TMCO4: variants seen among roughly 807,000 people sequenced by gnomAD.
The protein encoded by TMCO4 is transmembrane and coiled-coil domain-containing protein 4.
Under a neutral mutation model 64.7 loss-of-function variants are expected in TMCO4, and 58 were observed. That is an observed-to-expected ratio of 0.90 (90% CI 0.73 to 1.12). The LOEUF (loss-of-function observed/expected upper bound fraction) is 1.12. Among genes scored for constraint, TMCO4 ranks in the 50% most tolerant of loss-of-function variants. The pLI is 0.00. For missense variants in TMCO4, 780 were observed against 825.9 expected (o/e 0.94, Z 0.68); for synonymous variants, 325 against 346.1 (o/e 0.94, Z 0.68).
chr1:19,718,054 C>A (rs1411309862), intron 13 of TMCO4, among the ~76,000 whole-genome samples: 1 of 152,120 alleles, frequency 6.6e-6, no homozygotes, highest in African/African-American at 2.4e-5. Flanking sequence ...GAAAATGGGC[C>A]AGGCGCAGTG....
intron 3 of TMCO4, among the ~76,000 whole-genome samples, chr1:19,785,048 G>A (rs1488396296): frequency 6.6e-6 from 1 of 152,102 alleles, no homozygotes; most frequent in Non-Finnish European, 1.5e-5. Flanking sequence ...CACCGGTCTT[G>A]TTCACTACGC....
chr1:19,710,487 A>G (rs1298748718), intron 13 of TMCO4, among the ~76,000 whole-genome samples: 1 of 152,158 alleles, frequency 6.6e-6, no homozygotes, highest in African/African-American at 2.4e-5. Context: ...CTCAGGACTA[A>G]GTGCTTCATA....
rs2095435822 is a variant in TMCO4 at position 19,732,814 on chromosome 1, T to C, written c.1264+4558A>G. On this transcript the variant is annotated intron_variant, in intron 13 of 15. Transcript: ENST00000294543. The surrounding 1 kb of genome is among the most constrained non-coding windows in gnomAD (Gnocchi z 4.8). ...AGGGGGAAAATGCCAGCTGCACTTT[T>C]GTCCACCGGGTTCATCTTGGAGTCA... Among the ~76,000 whole-genome samples the C allele has an allele frequency of 6.6e-6, 1 of 152,212 alleles. No homozygotes were observed. Among genetic ancestry groups the C allele is most frequent in the African/African-American group, 2.4e-5 (1 of 41,460 alleles).
At chr1:19,685,093 G>A (rs2095135779) in intron 15 of TMCO4, among the ~76,000 whole-genome samples, 1 of 152,214 alleles carries the variant, frequency 6.6e-6, no homozygotes, top group Admixed American at 6.5e-5. Context: ...GGGAGGCCAA[G>A]GTGGGAAAAT....
intron 15 of TMCO4, among the ~76,000 whole-genome samples, chr1:19,689,444 A>C (rs2095174958): frequency 2.0e-5 from 3 of 152,162 alleles, no homozygotes; most frequent in Admixed American, 6.5e-5. Flanking sequence ...ACTAGGATTA[A>C]AGGAGGGCCT....
rs2041793889 is a variant in TMCO4, at chr1:19,746,580, A to C, written c.633T>G (p.Ala211=). 2 of 1,610,698 alleles carry C rather than the reference A, an allele frequency of 1.2e-6. No homozygotes were observed. Among genetic ancestry groups the C allele is most frequent in the Non-Finnish European group, 1.7e-6 (2 of 1,178,250 alleles). ...GTVIGVTGGL[A]APLVAAGAAT... ...CTGCTCCAGCGGCAACAAGGGGTGCAGCTAGACCTCCAGTCACACCTGTGG... is the reference window on the plus strand; with the variant it reads ...CTGCTCCAGCGGCAACAAGGGGTGCCGCTAGACCTCCAGTCACACCTGTGG... The change falls in exon 9 of 16, where the codon GCT becomes GCG. Residue 211 remains alanine (A), a synonymous_variant. Coordinates refer to ENST00000294543, the MANE Select transcript of TMCO4 (RefSeq NM_181719.7).
intron 13 of TMCO4, among the ~76,000 whole-genome samples, chr1:19,709,019 C>T (rs1314995566): frequency 6.6e-6 from 1 of 152,098 alleles, no homozygotes; most frequent in Non-Finnish European, 1.5e-5. Context: ...CAAAGATACA[C>T]ACGTGCACAT....
At chr1:19,774,138 G>A (rs974649396) in intron 4 of TMCO4, among the ~76,000 whole-genome samples, 1 of 152,240 alleles carries the variant, frequency 6.6e-6, no homozygotes, top group African/African-American at 2.4e-5. Context: ...GGATTACCTT[G>A]GGGTGGTAAT....
chr1:19,731,267 T>G (rs1413302485), intron 13 of TMCO4, among the ~76,000 whole-genome samples: 1 of 152,150 alleles, frequency 6.6e-6, no homozygotes, highest in Non-Finnish European at 1.5e-5. Flanking sequence ...GTCCATGCCA[T>G]CCATCAGGGA....
intron 1 of TMCO4, among the ~76,000 whole-genome samples, chr1:19,798,637 CGAGGG>C (rs1341699488): frequency 2.6e-5 from 4 of 152,146 alleles, no homozygotes; most frequent in Non-Finnish European, 5.9e-5. Context: ...ATGCTGCACA[CGAGGG>C]CTTGAGGCCA....
intron 11 of TMCO4, among the ~76,000 whole-genome samples, 181 bp downstream of exon 11, chr1:19,740,596 C>T (rs769562490): frequency 1.3e-5 from 2 of 152,232 alleles, no homozygotes; most frequent in Non-Finnish European, 2.9e-5. Context: ...GTTTACCTGT[C>T]TTCTCTCCAT....
At chr1:19,751,550 C>A (rs1270950841) in intron 7 of TMCO4, among the ~76,000 whole-genome samples, 1 of 152,162 alleles carries the variant, frequency 6.6e-6, no homozygotes, top group Admixed American at 6.5e-5. Context: ...TGAGCCTCTG[C>A]TGCAGTGATC....
chr1:19,736,485 T>C lies in TMCO4; in HGVS notation c.1264+887A>G, dbSNP rs575692186. On this transcript the variant is annotated intron_variant, in intron 13 of 15. Coordinates refer to ENST00000294543, the MANE Select transcript of TMCO4 (RefSeq NM_181719.7). ...GTTCAACAATTTCTCTCTGAGTTCC[T>C]CCTCTTGCCTTCAGAGTCCTGCCGC... 1.8e-3 allele frequency among the ~76,000 whole-genome samples: 270 copies of C among 152,322 alleles called. 2 individuals are homozygous for C. The highest frequency in any genetic ancestry group is 3.4e-3 in the Middle Eastern group (1 of 294).
chr1:19,692,585 A>G (rs1050756147), intron 15 of TMCO4, among the ~76,000 whole-genome samples: 3 of 151,684 alleles, frequency 2.0e-5, no homozygotes, highest in African/African-American at 4.8e-5. Context: ...CAAAAAAAAA[A>G]AAAAAAAAAG....
intron 13 of TMCO4, among the ~76,000 whole-genome samples, chr1:19,725,398 A>T (rs1243035891): frequency 6.6e-6 from 1 of 152,232 alleles, no homozygotes; most frequent in Non-Finnish European, 1.5e-5. Context: ...TCCTATGGCC[A>T]TTTCTCAGCT....
At chr1:19,754,602 G>C (rs531846733) in intron 7 of TMCO4, among the ~76,000 whole-genome samples, 1 of 152,184 alleles carries the variant, frequency 6.6e-6, no homozygotes, top group Non-Finnish European at 1.5e-5. Context: ...CCTGGGAGAC[G>C]TGCCTGGTGC....
At chr1:19,764,842 C>CAAA (rs33963523) in intron 6 of TMCO4, among the ~76,000 whole-genome samples, 9 of 70,410 alleles carry the variant, frequency 1.3e-4, no homozygotes, top group African/African-American at 2.5e-4. Context: ...AACTCTGTCT[C>CAAA]AAAAAAAAAA....
intron 2 of TMCO4, among the ~76,000 whole-genome samples, chr1:19,796,632 T>C (rs929436141): frequency 6.6e-6 from 1 of 152,176 alleles, no homozygotes; most frequent in African/African-American, 2.4e-5. Flanking sequence ...TGGAGTGCAG[T>C]AGCTCGATCT....
chr1:19,757,942 C>G (rs536374565), intron 6 of TMCO4, among the ~76,000 whole-genome samples: 7 of 152,152 alleles, frequency 4.6e-5, no homozygotes, highest in African/African-American at 1.7e-4. Context: ...TCAGCTACTC[C>G]GCACTCACCT....
Sources: allele counts gnomAD v4.1 joint callset (sites outside exome capture counted in the v4.1 genomes callset), GRCh38; gene constraint gnomAD v4.1.1; non-coding constraint Gnocchi (gnomAD v3.1); transcripts MANE v1.5; gene names NCBI Gene and HGNC (gene_info 2026-07-23, HGNC 2026-07-21).